FAM174A: variants seen among roughly 807,000 people sequenced by gnomAD.
FAM174A encodes the protein family with sequence similarity 174 member A, also known as membrane protein FAM174A.
Under a neutral mutation model 14.3 loss-of-function variants are expected in FAM174A, and 14 were observed. The ratio of observed to expected loss-of-function variants is 0.98; its 90% CI spans 0.65 to 1.53. FAM174A has a LOEUF of 1.53. Ranked by LOEUF, FAM174A falls within the 40% of genes most tolerant of loss-of-function variation. The pLI is 0.00. For synonymous variants in FAM174A, 108 were observed against 111.4 expected (o/e 0.97, Z 0.19); for missense variants, 241 against 249.6 (o/e 0.97, Z 0.23).
chr5:100,551,622 T>G (rs1367482143), intron 1 of FAM174A, among the ~76,000 whole-genome samples: 1 of 152,188 alleles, frequency 6.6e-6, no homozygotes, highest in African/African-American at 2.4e-5. Context: ...TATTCTATAT[T>G]AATTTGTTAG....
At chr5:100,549,044 A>G (rs1022107387) in intron 1 of FAM174A, among the ~76,000 whole-genome samples, 5 of 152,122 alleles carry the variant, frequency 3.3e-5, no homozygotes, top group Admixed American at 6.6e-5. Context: ...ATATGTATCT[A>G]TGTATATACC....
In FAM174A at chr5:100,566,141, GATATAT is replaced by G. The variant is rs60895683; in HGVS notation, c.569+3978_569+3983del. ...ACAGATAAATGAATTTGAAAAGTAT[GATATAT>G]ATATATATATATATATATATATATG... is the stretch of plus-strand genomic sequence containing the variant. On this transcript the variant is annotated intron_variant, in intron 2 of 2. Transcript: ENST00000312637. Among the ~76,000 whole-genome samples the G allele has an allele frequency of 8.1e-3, 664 of 81,802 alleles. 12 individuals carry two copies. The highest frequency in any genetic ancestry group is 0.045 in the Middle Eastern group (5 of 112). 53.7% of individuals were successfully genotyped at this position (81,802 alleles called of 152,430 possible).
chr5:100,551,173 G>T (rs1746254772), intron 1 of FAM174A, among the ~76,000 whole-genome samples: 1 of 152,108 alleles, frequency 6.6e-6, no homozygotes, highest in Non-Finnish European at 1.5e-5. Flanking sequence ...ATTATTTTTA[G>T]GAAGTACAAT....
intron 1 of FAM174A, among the ~76,000 whole-genome samples, chr5:100,558,989 G>A (rs1008463945): frequency 6.6e-6 from 1 of 152,134 alleles, no homozygotes; most frequent in Non-Finnish European, 1.5e-5. Flanking sequence ...TATGATGTTA[G>A]CTGGTTATTC....
At chr5:100,573,011 A>C (rs1235896019) in intron 2 of FAM174A, among the ~76,000 whole-genome samples, 2 of 152,204 alleles carry the variant, frequency 1.3e-5, no homozygotes, top group South Asian at 2.1e-4. Context: ...AGTGATGATA[A>C]GCATTTTTTC....
rs566973675 is a variant in FAM174A, at chr5:100,573,129, T to G, written c.569+10941T>G. Among the ~76,000 whole-genome samples the G allele has an allele frequency of 1.9e-4, 29 of 152,264 alleles. 1 individual carries two copies. In the East Asian group the frequency reaches 5.4e-3, roughly 28 times the overall value. On this transcript the variant is annotated intron_variant, in intron 2 of 2. Transcript: ENST00000312637. Reference sequence around the variant, plus strand: ...TTTTTTTCTTGTAAATTTGTTTGAGTTCATTGTAGATTCTGGATATTAGCC... The same window carrying G: ...TTTTTTTCTTGTAAATTTGTTTGAGGTCATTGTAGATTCTGGATATTAGCC...
chr5:100,573,839 C>T (rs1317630996), intron 2 of FAM174A, among the ~76,000 whole-genome samples: 2 of 151,490 alleles, frequency 1.3e-5, no homozygotes, highest in Non-Finnish European at 2.9e-5. Context: ...TACAAGGCTA[C>T]AGTAACCAAA....
chr5:100,573,886 C>T (rs568080787), intron 2 of FAM174A, among the ~76,000 whole-genome samples: 2 of 151,814 alleles, frequency 1.3e-5, no homozygotes, highest in Admixed American at 6.6e-5. Flanking sequence ...AGATATAGAT[C>T]AATGGAACAG....
intron 1 of FAM174A, among the ~76,000 whole-genome samples, chr5:100,555,075 C>G (rs1440981669): frequency 1.3e-5 from 2 of 151,920 alleles, no homozygotes; most frequent in Non-Finnish European, 2.9e-5. Context: ...CTATCCCTCC[C>G]CCCTACCCCC....
intron 1 of FAM174A, among the ~76,000 whole-genome samples, chr5:100,538,042 C>G (rs530761669): frequency 1.6e-4 from 24 of 152,260 alleles, no homozygotes; most frequent in Non-Finnish European, 3.2e-4. Flanking sequence ...AAATTCTGAA[C>G]TATGGCTAAT....
chr5:100,573,631 G>A (rs918959587), intron 2 of FAM174A, among the ~76,000 whole-genome samples: 1 of 150,888 alleles, frequency 6.6e-6, no homozygotes, highest in African/African-American at 2.5e-5. Flanking sequence ...AATCAATATC[G>A]TGAAAATGGC....
intron 1 of FAM174A, among the ~76,000 whole-genome samples, chr5:100,556,089 G>A (rs1746373409): frequency 6.6e-6 from 1 of 152,208 alleles, no homozygotes; most frequent in South Asian, 2.1e-4. Context: ...TAACATTTAA[G>A]TCCTTAATCC....
At chr5:100,553,073 T>C (rs1381992182) in intron 1 of FAM174A, among the ~76,000 whole-genome samples, 1 of 152,064 alleles carries the variant, frequency 6.6e-6, no homozygotes, top group Non-Finnish European at 1.5e-5. Flanking sequence ...TCTACATGTG[T>C]GTGTATAATA....
In FAM174A at chr5:100,554,964, C is replaced by G. The variant is rs186062857; in HGVS notation, c.435-7090C>G. 3.3e-5 allele frequency among the ~76,000 whole-genome samples: 5 copies of G among 151,904 alleles called. No homozygotes were observed. The East Asian group carries it at 7.7e-4, about 24-fold the overall frequency. On this transcript the variant is annotated intron_variant, in intron 1 of 2. Transcript: ENST00000312637. ...TAATTATACTTTAAGTTTTAGGGTA[C>G]ATGTGCACAACATGCAGGTTTGTTA...
At chr5:100,575,247 T>TAG (rs1746877023) in intron 2 of FAM174A, among the ~76,000 whole-genome samples, 1 of 148,972 alleles carries the variant, frequency 6.7e-6, no homozygotes, top group African/African-American at 2.5e-5. Flanking sequence ...GTATAACTTT[T>TAG]ATATATATAT....
In FAM174A at chr5:100,585,710, G is replaced by A. The variant is rs149813334; in HGVS notation, c.570-471G>A. 2.9e-3 allele frequency among the ~76,000 whole-genome samples: 437 copies of A among 152,094 alleles called. 1 individual carries two copies. The highest frequency in any genetic ancestry group is 0.01 in the African/African-American group (420 of 41,496). On this transcript the variant is annotated intron_variant, in intron 2 of 2. Transcript: ENST00000312637. Reference sequence around the variant, plus strand: ...ATTACAGTTGTGAGCCATCACGCCCGGCCTTTTTTGATATTTCTAAACTAT... The same window carrying A: ...ATTACAGTTGTGAGCCATCACGCCCAGCCTTTTTTGATATTTCTAAACTAT...
chr5:100,558,791 T>C (rs1179652210), intron 1 of FAM174A, among the ~76,000 whole-genome samples: 1 of 152,172 alleles, frequency 6.6e-6, no homozygotes, highest in East Asian at 1.9e-4. Context: ...ATTTGCTTGG[T>C]AGATCTTCCT....
chr5:100,566,141 G>GAGAT (rs1554047540), intron 2 of FAM174A, among the ~76,000 whole-genome samples: 6 of 81,810 alleles, frequency 7.3e-5, no homozygotes, highest in African/African-American at 1.6e-4. Context: ...TGAAAAGTAT[G>GAGAT]ATATATATAT....
Position 100,586,169 on chromosome 5 carries a change from T to G in FAM174A, c.570-12T>G, listed in dbSNP as rs368286254. The G allele has an allele frequency of 1.5e-6, 2 of 1,368,334 alleles. No individual in the cohort carries two copies. Among genetic ancestry groups the G allele is most frequent in the Non-Finnish European group, 2.0e-6 (2 of 982,336 alleles). 84.8% of individuals were successfully genotyped at this position (1,368,334 alleles called of 1,614,324 possible). A position where few individuals can be genotyped will look rare whatever the true frequency, so the allele number is the denominator to read the frequency against. ...AAAGGATATTTATGGTATTTTTTTC[T>G]TTTTCTTGCAGATAAGAATGTGCCT... is the stretch of plus-strand genomic sequence containing the variant. On this transcript the variant is annotated splice_polypyrimidine_tract_variant and intron_variant, in intron 2 of 2. Transcript: ENST00000312637.
Sources: allele counts gnomAD v4.1 joint callset (sites outside exome capture counted in the v4.1 genomes callset), GRCh38; gene constraint gnomAD v4.1.1; transcripts MANE v1.5; gene names NCBI Gene and HGNC (gene_info 2026-07-23, HGNC 2026-07-21).